Variants in JADE1 observed in about 807,000 individuals in gnomAD.
The protein encoded by JADE1 is jade family PHD finger 1, also known as protein Jade-1.
JADE1 carries 14 observed loss-of-function variants against 81.8 expected under a neutral mutation model. The observed-to-expected ratio is 0.17, with a 90% confidence interval of 0.11 to 0.27. The LOEUF is 0.27. Among genes scored for constraint, JADE1 ranks in the 10% least tolerant of loss-of-function variants. JADE1 has a pLI of 1.00. For synonymous variants in JADE1, 353 were observed against 391.9 expected, an observed-to-expected ratio of 0.90 and a Z score of 1.17; for missense variants, 690 against 1,047.9, an observed-to-expected ratio of 0.66 and a Z score of 4.71.
In JADE1 at chr4:128,867,768, A is replaced by G. The variant is rs908231117; in HGVS notation, c.1504-88A>G. ...TATCTGTCAAGGCCCTAGTAGGAGT[A>G]ATTTCTCTTAGGTAAAGAAATTTAA... On this transcript the variant is annotated intron_variant, in intron 9 of 10. Coordinates refer to ENST00000226319, the MANE Select transcript of JADE1 (RefSeq NM_199320.4). 12 of 736,378 alleles carry G rather than the reference A, an allele frequency of 1.6e-5. No individual in the cohort carries two copies. The African/African-American group carries it at 1.8e-4, about 11-fold the overall frequency. The allele number at this position is 736,378 out of a possible 1,614,324, so 45.6% of individuals were successfully genotyped here.
At chr4:128,844,530 T>A (rs971714545) in intron 3 of JADE1, among the ~76,000 whole-genome samples, 1 of 152,204 alleles carries the variant, frequency 6.6e-6, no homozygotes, top group East Asian at 1.9e-4. Context: ...ATTTTCTTTC[T>A]TTTTTGGCAA....
intron 2 of JADE1, among the ~76,000 whole-genome samples, chr4:128,842,711 G>A (rs1579171107): frequency 6.6e-6 from 1 of 152,202 alleles, no homozygotes; most frequent in Non-Finnish European, 1.5e-5. Flanking sequence ...TCTTCTGTTG[G>A]GTGTGGTCCT....
Position 128,861,675 on chromosome 4 carries a change from T to C in JADE1, c.982-29T>C, listed in dbSNP as rs187787932. 3.1e-6 allele frequency: 5 copies of C among 1,607,886 alleles called. No individual in the cohort carries two copies. In the African/African-American group the frequency reaches 5.3e-5, roughly 17 times the overall value. ...GCCATCATTGCTCTATAATGGTCTA[T>C]TCTCATGTTCTTTGTGTGTTCTTGA... On this transcript the variant is annotated intron_variant, in intron 8 of 10. Coordinates refer to ENST00000226319, the MANE Select transcript of JADE1 (RefSeq NM_199320.4).
At position 128,872,625 on chromosome 4, in the gene JADE1, A is replaced by T. The variant is rs116066225; in HGVS notation, c.*363A>T. ...CAAAGCACAAACTCATGGTTACCTG[A>T]ATATAGGGAACCAGATATGGTTCTT... On this transcript the variant is annotated 3_prime_UTR_variant, in exon 11 of 11. Coordinates refer to ENST00000226319, the MANE Select transcript of JADE1 (RefSeq NM_199320.4). 1 of 264,768 alleles carries T rather than the reference A, an allele frequency of 3.8e-6. No homozygotes were observed. The allele number at this position is 264,768 out of a possible 1,614,324, so 16.4% of individuals were successfully genotyped here.
At chr4:128,811,105 C>G (rs886584221) in intron 1 of JADE1, among the ~76,000 whole-genome samples, 2 of 152,190 alleles carry the variant, frequency 1.3e-5, no homozygotes, top group African/African-American at 4.8e-5. Context: ...AGCCAGCAGG[C>G]TTTCCGGGTT....
chr4:128,826,203 G>C (rs943908815), intron 1 of JADE1, among the ~76,000 whole-genome samples: 4 of 152,174 alleles, frequency 2.6e-5, no homozygotes, highest in Non-Finnish European at 5.9e-5. Flanking sequence ...GTCAGGGTGA[G>C]CCGTGTCGAC....
intron 1 of JADE1, among the ~76,000 whole-genome samples, chr4:128,815,402 C>G (rs1353674021): frequency 6.6e-6 from 1 of 152,178 alleles, no homozygotes; most frequent in Non-Finnish European, 1.5e-5. Context: ...GCCCGGCAAT[C>G]TTAAGTAACT....
chr4:128,848,240 G>A (rs1248025412), intron 4 of JADE1, among the ~76,000 whole-genome samples: 2 of 152,096 alleles, frequency 1.3e-5, no homozygotes, highest in Admixed American at 6.5e-5. Context: ...GTGCAGTGGT[G>A]CAATCTTGGC....
Position 128,875,050 on chromosome 4 carries a change from A to G in JADE1, c.*2788A>G, listed in dbSNP as rs1732470609. ...GAAGAGTTAAAAATCAAATTAAAGT[A>G]TATGTAGAGATGACTATTTTATATT... On this transcript the variant is annotated 3_prime_UTR_variant, in exon 11 of 11. Transcript: ENST00000226319. The G allele has an allele frequency of 6.6e-6, 1 of 151,644 alleles. No homozygotes were observed. The allele number at this position is 151,644 out of a possible 1,614,324, so 9.4% of individuals were successfully genotyped here.
intron 1 of JADE1, among the ~76,000 whole-genome samples, chr4:128,815,008 G>A (rs1726870445): frequency 6.6e-6 from 1 of 151,408 alleles, no homozygotes; most frequent in African/African-American, 2.4e-5. Flanking sequence ...ACCATTTATT[G>A]CATTTGGTTG....
intron 2 of JADE1, among the ~76,000 whole-genome samples, chr4:128,842,414 C>T (rs1404328818): frequency 6.6e-6 from 1 of 152,056 alleles, no homozygotes; most frequent in African/African-American, 2.4e-5. Flanking sequence ...ATTCTCCTGC[C>T]TCGGCTTTCC....
chr4:128,835,153 C>T (rs1396924466), intron 2 of JADE1, among the ~76,000 whole-genome samples: 1 of 152,090 alleles, frequency 6.6e-6, no homozygotes, highest in South Asian at 2.1e-4. Flanking sequence ...AAAGGGTTAG[C>T]CTAGGCTAAA....
chr4:128,859,351 T>C (rs183339927), intron 8 of JADE1, among the ~76,000 whole-genome samples: 1 of 152,084 alleles, frequency 6.6e-6, no homozygotes, highest in Non-Finnish European at 1.5e-5. Context: ...GTATGCGTAT[T>C]TGAGTATGCG....
intron 1 of JADE1, chr4:128,816,304 T>C (rs1382113390): frequency 6.6e-6 from 1 of 152,250 alleles, no homozygotes; most frequent in Non-Finnish European, 1.5e-5. Context: ...ATTTCTCATA[T>C]GAAAACTTTG....
intron 1 of JADE1, among the ~76,000 whole-genome samples, chr4:128,828,139 C>T (rs1437771275): frequency 2.0e-5 from 3 of 152,200 alleles, no homozygotes; most frequent in Non-Finnish European, 4.4e-5. Flanking sequence ...TAATTTTCAT[C>T]CAGCACCTCC....
chr4:128,862,913 T>TGTGTGTGC lies in JADE1; in HGVS notation c.1503+689_1503+690insTGTGTGCG, dbSNP rs1389608869. On this transcript the variant is annotated intron_variant, in intron 9 of 10. Coordinates refer to ENST00000226319, the MANE Select transcript of JADE1 (RefSeq NM_199320.4). ...CTGAGGCTGTGTGTGTGTGTGTGTG[T>TGTGTGTGC]GCGCGTGCCCGTGTCCATCCATGTC... 5.1e-6 allele frequency: 5 copies of TGTGTGTGC among 983,334 alleles called. No individual in the cohort carries two copies. The East Asian group carries it at 3.4e-4, about 68-fold the overall frequency. 60.9% of individuals were successfully genotyped at this position (983,334 alleles called of 1,614,324 possible).
rs536813610 is a variant in JADE1 at position 128,873,726 on chromosome 4, T to C, written c.*1464T>C. The C allele has an allele frequency of 1.3e-5, 2 of 152,438 alleles. No homozygotes were observed. Among genetic ancestry groups the C allele is most frequent in the Admixed American group, 6.5e-5 (1 of 15,296 alleles). The allele number at this position is 152,438 out of a possible 1,614,324, so 9.4% of individuals were successfully genotyped here. ...CCGACTTCCCCTAAATTCTCCTTAG[T>C]TTGTTAATACCAGTATTCAGATTCC... On this transcript the variant is annotated 3_prime_UTR_variant, in exon 11 of 11. Coordinates refer to ENST00000226319, the MANE Select transcript of JADE1 (RefSeq NM_199320.4).
At chr4:128,861,295 G>T (rs979670451) in intron 8 of JADE1, among the ~76,000 whole-genome samples, 5 of 152,194 alleles carry the variant, frequency 3.3e-5, no homozygotes, top group African/African-American at 1.2e-4. Context: ...CTCCAAGATG[G>T]GATTTGGATG....
At chr4:128,840,193 A>C (rs775035518) in intron 2 of JADE1, among the ~76,000 whole-genome samples, 2 of 152,230 alleles carry the variant, frequency 1.3e-5, no homozygotes, top group Non-Finnish European at 2.9e-5. Flanking sequence ...GTTGTGTTCT[A>C]TGCCAGCAAA....
Sources: gnomAD v4.1 joint callset for allele counts (sites outside exome capture counted in the v4.1 genomes callset) on GRCh38, gnomAD v4.1.1 for gene constraint, MANE v1.5 for transcripts, NCBI Gene and HGNC (gene_info 2026-07-23, HGNC 2026-07-21) for gene names.